LY75: variants seen among roughly 807,000 people sequenced by gnomAD.
LY75 encodes lymphocyte antigen 75.
In LY75, 185 loss-of-function variants were observed where a neutral mutation model predicts 231.7. The ratio of observed to expected loss-of-function variants is 0.80; its 90% CI spans 0.71 to 0.90. The LOEUF (loss-of-function observed/expected upper bound fraction) is 0.90, where lower values mean the gene tolerates loss of function less well. LY75 is among the 40% of genes least tolerant of loss of function. The pLI, the probability that LY75 is intolerant of heterozygous loss-of-function variation, is 0.00. For synonymous variants in LY75, 668 were observed against 689.0 expected (o/e 0.97, Z 0.48); for missense variants, 1,947 against 2,050.2 (o/e 0.95, Z 0.97).
Position 159,849,998 on chromosome 2 carries a change from C to A in LY75, c.3132G>T (p.Arg1044Ser), listed in dbSNP as rs1366418022. The change falls in exon 23 of 35, where the codon AGG becomes AGT. Residue 1044 changes from arginine (R) to serine (S), a missense_variant. Arg to Ser is a moderately radical substitution (Grantham distance 110, BLOSUM62 -1). Coordinates refer to ENST00000263636, the MANE Select transcript of LY75 (RefSeq NM_002349.4). Reference sequence around the variant, plus strand: ...AACTTACATTTTCTGGTATTCTCAGCCTCCCACTAACCAATAATGGGTGAA... The same window carrying A: ...AACTTACATTTTCTGGTATTCTCAGACTCCCACTAACCAATAATGGGTGAA... The part of the protein sequence containing the change: ...SNFHPLLVSG[R>S]LRIPENFFEE... 6.2e-7 allele frequency: 1 copy of A among 1,611,888 alleles called. No individual in the cohort carries two copies. Among genetic ancestry groups the A allele is most frequent in the Non-Finnish European group, 8.5e-7 (1 of 1,179,410 alleles).
intron 33 of LY75, chr2:159,807,717 TTAACATTTTAAAATTCACATTTTAA>T: frequency 1.0e-6 from 1 of 957,644 alleles, no homozygotes; most frequent in Non-Finnish European, 1.2e-6. Flanking sequence ...TGACAAGTAC[TTAACATTTTAAAATTCACATTTTAA>T]TAATTTAAAA....
chr2:159,854,984 T>G (rs763140983), intron 16 of LY75, 45 bp from the exon 17 acceptor site: 3 of 1,611,420 alleles, frequency 1.9e-6, no homozygotes, highest in East Asian at 4.5e-5. Context: ...CCATGACAGA[T>G]CAGGGTATAC....
intron 29 of LY75, among the ~76,000 whole-genome samples, chr2:159,818,550 G>A (rs927878780): frequency 1.3e-5 from 2 of 152,168 alleles, no homozygotes; most frequent in African/African-American, 2.4e-5. Context: ...GAGAACTAAA[G>A]GTTAGGTGGG....
At chr2:159,823,466 C>T (rs575850283) in intron 28 of LY75, among the ~76,000 whole-genome samples, 2 of 152,136 alleles carry the variant, frequency 1.3e-5, no homozygotes, top group Non-Finnish European at 2.9e-5. Flanking sequence ...ACCAAATCTA[C>T]GTTTGACTGG....
At chr2:159,878,126 T>C (rs1025979963) in intron 11 of LY75, among the ~76,000 whole-genome samples, 198 bp downstream of exon 11, 4 of 152,194 alleles carry the variant, frequency 2.6e-5, no homozygotes, top group Non-Finnish European at 1.5e-5. Context: ...GTTTTTGAAT[T>C]TCTTTCATTG....
At chr2:159,894,885 T>G (rs1210679980) in intron 2 of LY75, among the ~76,000 whole-genome samples, 2 of 152,180 alleles carry the variant, frequency 1.3e-5, no homozygotes, top group Non-Finnish European at 2.9e-5. Context: ...GATACTTATA[T>G]CAATACTAAT....
At position 159,882,203 on chromosome 2, in the gene LY75, G is replaced by C. The variant is rs1336762949; in HGVS notation, c.1167C>G (p.Cys389Trp). Residue 389 changes from cysteine to tryptophan, a missense_variant, in exon 7 of 35, where the codon TGC becomes TGG. Transcript: ENST00000263636. ...SNSWDKAHAK[C>W]KAFSSDLISI... ...TGATTAGGTCACTACTGAAGGCTTTGCATTTCGCATGTGCCTTATCCCAGG... is the reference window on the plus strand; with the variant it reads ...TGATTAGGTCACTACTGAAGGCTTTCCATTTCGCATGTGCCTTATCCCAGG... The C allele has an allele frequency of 1.9e-6, 3 of 1,613,930 alleles. No homozygotes were observed. Among genetic ancestry groups the C allele is most frequent in the Non-Finnish European group, 1.7e-6 (2 of 1,179,942 alleles).
intron 13 of LY75, among the ~76,000 whole-genome samples, chr2:159,865,397 C>T (rs1560088679): frequency 6.6e-6 from 1 of 151,924 alleles, no homozygotes; most frequent in Non-Finnish European, 1.5e-5. Flanking sequence ...TGAGTATTGC[C>T]TATGTGCCAA....
intron 7 of LY75, 90 bp from the exon 8 acceptor site, chr2:159,881,330 G>A (rs113881098): frequency 1.4e-6 from 2 of 1,392,722 alleles, no homozygotes; most frequent in African/African-American, 2.9e-5. Flanking sequence ...TTCTGATATG[G>A]AGTTTTAAGA....
intron 34 of LY75, 122 bp from the exon 35 acceptor site, chr2:159,805,344 T>G: frequency 1.6e-6 from 1 of 623,872 alleles, no homozygotes. Context: ...ATAATAAATC[T>G]GATTGTTTCA....
intron 31 of LY75, chr2:159,813,744 G>C (rs778559845): frequency 6.6e-6 from 1 of 152,190 alleles, no homozygotes; most frequent in Non-Finnish European, 1.5e-5. Context: ...TCTCAGTAAA[G>C]TCACATTCTA....
At chr2:159,840,061 A>G (rs549779426) in intron 25 of LY75, among the ~76,000 whole-genome samples, 57 of 151,386 alleles carry the variant, frequency 3.8e-4, no homozygotes, top group African/African-American at 1.3e-3. Flanking sequence ...ACTCTTTAAC[A>G]CTATCCATAG....
At position 159,810,579 on chromosome 2, in the gene LY75, G is replaced by C; in HGVS notation, c.4646C>G (p.Ser1549Cys). Residue 1549 changes from serine (S) to cysteine (C), a missense_variant, in exon 32 of 35, where the codon TCT (serine) becomes TGT (cysteine). By Grantham distance (112) the Ser-to-Cys change is moderately radical (BLOSUM62 -1). Coordinates refer to ENST00000263636, the MANE Select transcript of LY75 (RefSeq NM_002349.4). ...TGAAAAACTGTGCAATGCCTGATCA[G>C]ACTTGTAACAGTGACCCTTGTACTG... ...WIQYKGHCYK[S>C]DQALHSFSEA... 6.2e-7 allele frequency: 1 copy of C among 1,614,082 alleles called. No homozygotes were observed. Among genetic ancestry groups the C allele is most frequent in the Non-Finnish European group, 8.5e-7 (1 of 1,180,012 alleles).
chr2:159,834,721 T>A (rs1276579757), intron 26 of LY75, among the ~76,000 whole-genome samples: 3 of 152,232 alleles, frequency 2.0e-5, no homozygotes, highest in South Asian at 2.1e-4. Flanking sequence ...CTGATTATGA[T>A]CTTTTTCCAT....
chr2:159,816,013 G>C (rs1390837231), intron 30 of LY75, among the ~76,000 whole-genome samples: 1 of 152,052 alleles, frequency 6.6e-6, no homozygotes, highest in Non-Finnish European at 1.5e-5. Context: ...AAGCAGTAGG[G>C]AGCTAGAAAA....
In LY75 at chr2:159,850,789, T is replaced by TATATATATATATATATATAA. The variant is rs796940571; in HGVS notation, c.2884-323_2884-322insTTATATATATATATATATAT. ...TCAAACTTTCATATATATATATATATATATATATATTATATCTTATATATA... is the reference window on the plus strand; with the variant it reads ...TCAAACTTTCATATATATATATATATATATATATATATATATATAAATATATATATTATATCTTATATATA... On this transcript the variant is annotated intron_variant, in intron 21 of 34. Coordinates refer to ENST00000263636, the MANE Select transcript of LY75 (RefSeq NM_002349.4). Among the ~76,000 whole-genome samples the TATATATATATATATATATAA allele has an allele frequency of 5.3e-3, 474 of 88,634 alleles. 23 individuals are homozygous for TATATATATATATATATATAA. Among genetic ancestry groups the TATATATATATATATATATAA allele is most frequent in the Non-Finnish European group, 0.011 (412 of 38,284 alleles). 58.1% of individuals were successfully genotyped at this position (88,634 alleles called of 152,430 possible). A position where few individuals can be genotyped will look rare whatever the true frequency, so the allele number is the denominator to read the frequency against.
rs186394466 is a variant in LY75 at position 159,899,070 on chromosome 2, T to C, written c.95-11A>G. On this transcript the variant is annotated splice_polypyrimidine_tract_variant and intron_variant, in intron 1 of 34. Transcript: ENST00000263636. ...TGAAGGGGTCATTAGCTGAGTCAAA[T>C]GGACAGACAGATTGTAGATTATGTG... is the stretch of plus-strand genomic sequence containing the variant. 6,406 of 1,607,034 alleles carry C rather than the reference T, an allele frequency of 4.0e-3. 16 individuals carry two copies. The highest frequency in any genetic ancestry group is 4.9e-3 in the Non-Finnish European group (5,746 of 1,176,696).
rs3749122 is a variant in LY75 at position 159,858,585 on chromosome 2, G to C, written c.2269-109C>G. 2.4e-4 allele frequency: 300 copies of C among 1,234,122 alleles called. 1 individual carries two copies. In the East Asian group the frequency reaches 7.3e-3, roughly 30 times the overall value. 76.4% of individuals were successfully genotyped at this position (1,234,122 alleles called of 1,614,324 possible). On this transcript the variant is annotated intron_variant, in intron 15 of 34. Coordinates refer to ENST00000263636, the MANE Select transcript of LY75 (RefSeq NM_002349.4). Reference sequence around the variant, plus strand: ...TCTCTATTTTAGCTCTAGCACCTAAGATATTTGTTCGATAAATGAACACAT... The same window carrying C: ...TCTCTATTTTAGCTCTAGCACCTAACATATTTGTTCGATAAATGAACACAT...
At chr2:159,888,524 T>C (rs1184815833) in intron 4 of LY75, among the ~76,000 whole-genome samples, 1 of 152,168 alleles carries the variant, frequency 6.6e-6, no homozygotes, top group Non-Finnish European at 1.5e-5. Context: ...TTTGATGAGG[T>C]TGTAGTAATG....
Sources: allele counts gnomAD v4.1 joint callset (sites outside exome capture counted in the v4.1 genomes callset), GRCh38; gene constraint gnomAD v4.1.1; transcripts MANE v1.5; gene names NCBI Gene and HGNC (gene_info 2026-07-23, HGNC 2026-07-21).